CFAP96: variants seen among roughly 807,000 people sequenced by gnomAD.
The protein encoded by CFAP96 is cilia-and flagella-associated protein 96.
chr4:185,414,872 A>G, the CFAP96 span, among the ~76,000 whole-genome samples: 2 of 152,334 alleles, frequency 1.3e-5, no homozygotes, highest in Middle Eastern at 3.4e-3. Flanking sequence ...CACCATTTCT[A>G]TATTTCATTA....
the CFAP96 span, among the ~76,000 whole-genome samples, chr4:185,412,664 G>A: frequency 5.9e-5 from 9 of 152,146 alleles, no homozygotes; most frequent in African/African-American, 2.2e-4. Flanking sequence ...AGGATACAGA[G>A]GGTATGAGGT....
the CFAP96 span, chr4:185,418,572 T>G: frequency 1.2e-6 from 2 of 1,611,868 alleles, no homozygotes; most frequent in Non-Finnish European, 1.7e-6. Context: ...TCTAGAAATC[T>G]TCAAACATAC....
At chr4:185,423,749 ATTGT>A in the CFAP96 span, among the ~76,000 whole-genome samples, 2 of 152,192 alleles carry the variant, frequency 1.3e-5, no homozygotes, top group East Asian at 1.9e-4. Flanking sequence ...GACATGTATC[ATTGT>A]TTGTGTACAC....
chr4:185,443,342 A>ATATATATATTTTTTTTT, the CFAP96 span, among the ~76,000 whole-genome samples: 10 of 26,716 alleles, frequency 3.7e-4, no homozygotes, highest in African/African-American at 5.8e-4. Context: ...ATATATATAT[A>ATATATATATTTTTTTTT]TTTTTTTTTT....
At chr4:185,440,562 G>A in the CFAP96 span, 9 of 1,524,052 alleles carry the variant, frequency 5.9e-6, no homozygotes, top group Middle Eastern at 3.4e-4. Flanking sequence ...GAGCACCATC[G>A]TTTACTTAAA....
the CFAP96 span, among the ~76,000 whole-genome samples, chr4:185,411,622 A>C: frequency 0.051 from 7,736 of 152,270 alleles, 242 homozygotes; most frequent in South Asian, 0.088. Flanking sequence ...AAAGTATTTA[A>C]GGGTAAATAA....
the CFAP96 span, among the ~76,000 whole-genome samples, chr4:185,413,416 G>A: frequency 2.6e-5 from 4 of 152,030 alleles, no homozygotes. Flanking sequence ...TTATCCTACA[G>A]TGTGGTTTGG....
chr4:185,428,112 C>G, the CFAP96 span, among the ~76,000 whole-genome samples: 3 of 151,150 alleles, frequency 2.0e-5, no homozygotes, highest in Non-Finnish European at 4.4e-5. Flanking sequence ...ATGGTTCTTA[C>G]TTTGGATTAC....
the CFAP96 span, among the ~76,000 whole-genome samples, chr4:185,437,200 C>T: frequency 3.3e-5 from 5 of 152,196 alleles, no homozygotes; most frequent in Non-Finnish European, 5.9e-5. Context: ...GAGAAAACTG[C>T]TCACTTTATT....
At chr4:185,411,515 A>G in the CFAP96 span, among the ~76,000 whole-genome samples, 2 of 152,242 alleles carry the variant, frequency 1.3e-5, no homozygotes, top group African/African-American at 4.8e-5. Flanking sequence ...GTAAAATATT[A>G]GCAAATGGAA....
chr4:185,448,172 C>G, the CFAP96 span, among the ~76,000 whole-genome samples: 14 of 152,030 alleles, frequency 9.2e-5, no homozygotes, highest in African/African-American at 2.7e-4. Context: ...AGGCGCCCAC[C>G]ACCACGCCCA....
At chr4:185,422,210 T>G in the CFAP96 span, among the ~76,000 whole-genome samples, 1 of 152,344 alleles carries the variant, frequency 6.6e-6, no homozygotes, top group South Asian at 2.1e-4. Context: ...ACGTGCTCAT[T>G]GTGGATATTT....
At chr4:185,414,821 T>G in the CFAP96 span, among the ~76,000 whole-genome samples, 1 of 152,202 alleles carries the variant, frequency 6.6e-6, no homozygotes, top group Non-Finnish European at 1.5e-5. Flanking sequence ...AATCGGAAAG[T>G]TATAGAAATC....
chr4:185,432,097 T>TG, the CFAP96 span: 1 of 1,551,562 alleles, frequency 6.4e-7, no homozygotes, highest in Admixed American at 2.0e-5. Flanking sequence ...TTTTTGAAGG[T>TG]GAAGGCTACA....
At chr4:185,445,796 G>A in the CFAP96 span, among the ~76,000 whole-genome samples, 9 of 152,212 alleles carry the variant, frequency 5.9e-5, no homozygotes, top group South Asian at 1.5e-3. Context: ...ACTAACATTA[G>A]TATTATTTCA....
the CFAP96 span, chr4:185,422,360 T>C: frequency 1.4e-6 from 1 of 730,184 alleles, no homozygotes; most frequent in Admixed American, 2.9e-5. Context: ...CCATTTAATG[T>C]ACTTACTAAC....
the CFAP96 span, among the ~76,000 whole-genome samples, chr4:185,442,270 C>T: frequency 6.6e-6 from 1 of 151,920 alleles, no homozygotes. Context: ...AAAATTTACT[C>T]TTTTTTTGGA....
the CFAP96 span, among the ~76,000 whole-genome samples, chr4:185,431,441 TCTC>T: frequency 1.3e-5 from 2 of 152,200 alleles, no homozygotes; most frequent in Admixed American, 6.5e-5. Context: ...AAAAATCTGT[TCTC>T]CTGTTGATGG....
At chr4:185,422,457 A>C in the CFAP96 span, 1 of 1,555,144 alleles carries the variant, frequency 6.4e-7, no homozygotes, top group African/African-American at 1.4e-5. Context: ...CAATTTTCTA[A>C]TAAAAAAGAA....
Sources: gnomAD v4.1 joint callset for allele counts (sites outside exome capture counted in the v4.1 genomes callset) on GRCh38, gnomAD v4.1.1 for gene constraint, MANE v1.5 for transcripts, NCBI Gene and HGNC (gene_info 2026-07-23, HGNC 2026-07-21) for gene names.